CYYR1: variants seen among roughly 807,000 people sequenced by gnomAD.
CYYR1 encodes the protein cysteine and tyrosine rich 1.
A neutral mutation model predicts 15.2 loss-of-function variants in CYYR1; 14 were observed. That is an observed-to-expected ratio of 0.92 (90% CI 0.61 to 1.44). The LOEUF (loss-of-function observed/expected upper bound fraction) is 1.44, where lower values mean the gene tolerates loss of function less well. Ranked by LOEUF, CYYR1 falls within the 40% of genes most tolerant of loss-of-function variation. The pLI is 0.00. For synonymous variants in CYYR1, 80 were observed against 77.4 expected, an observed-to-expected ratio of 1.03 and a Z score of -0.18; for missense variants, 228 against 209.5, an observed-to-expected ratio of 1.09 and a Z score of -0.54.
rs182829858 is a variant in CYYR1 at position 26,468,065 on chromosome 21, G to T, written c.*436C>A. ...AAAATACATTTATTGATGAATGAAA[G>T]AATGAACAATTCTAGTTCTGACTTT... On this transcript the variant is annotated 3_prime_UTR_variant, in exon 4 of 4. Transcript: ENST00000652641. 18 of 226,414 alleles carry T rather than the reference G, an allele frequency of 8.0e-5. No individual in the cohort carries two copies. The highest frequency in any genetic ancestry group is 6.7e-4 in the Admixed American group (13 of 19,296). 14.0% of individuals were successfully genotyped at this position (226,414 alleles called of 1,614,324 possible). A position where few individuals can be genotyped will look rare whatever the true frequency, so the allele number is the denominator to read the frequency against.
intron 2 of CYYR1, among the ~76,000 whole-genome samples, chr21:26,561,202 T>C (rs1166855576): frequency 6.6e-6 from 1 of 152,170 alleles, no homozygotes; most frequent in African/African-American, 2.4e-5. Flanking sequence ...TCTGTGTCAT[T>C]ATTAAAACAA....
chr21:26,566,593 C>T (rs757541351), intron 1 of CYYR1, among the ~76,000 whole-genome samples: 1 of 152,032 alleles, frequency 6.6e-6, no homozygotes, highest in African/African-American at 2.4e-5. Flanking sequence ...ATCTTCTACA[C>T]CAAGCACCAT....
chr21:26,552,975 A>G (rs1979502894), intron 2 of CYYR1, among the ~76,000 whole-genome samples: 1 of 152,006 alleles, frequency 6.6e-6, no homozygotes. Context: ...TTTTTCCTTT[A>G]TGATATTCCA....
At chr21:26,530,604 C>T (rs1025208750) in intron 2 of CYYR1, among the ~76,000 whole-genome samples, 1 of 151,760 alleles carries the variant, frequency 6.6e-6, no homozygotes, top group Non-Finnish European at 1.5e-5. Flanking sequence ...TAATGTTATC[C>T]CTCCCCTATC....
intron 2 of CYYR1, among the ~76,000 whole-genome samples, chr21:26,564,487 T>C (rs1483885812): frequency 6.6e-6 from 1 of 152,212 alleles, no homozygotes; most frequent in Non-Finnish European, 1.5e-5. Context: ...CCTAGATACA[T>C]GTATCAGCTC....
At chr21:26,476,536 T>A (rs2065105346) in intron 3 of CYYR1, among the ~76,000 whole-genome samples, 1 of 152,006 alleles carries the variant, frequency 6.6e-6, no homozygotes, top group Non-Finnish European at 1.5e-5. Flanking sequence ...CATTCTTCTG[T>A]TAGGAAGAGC....
intron 2 of CYYR1, among the ~76,000 whole-genome samples, chr21:26,492,946 G>A (rs1019990412): frequency 6.6e-5 from 10 of 152,088 alleles, no homozygotes; most frequent in South Asian, 2.1e-4. Context: ...GTGTGTGTGA[G>A]TAGAGATTGG....
intron 3 of CYYR1, among the ~76,000 whole-genome samples, chr21:26,475,819 C>T (rs993492800): frequency 4.6e-5 from 7 of 152,134 alleles, no homozygotes; most frequent in South Asian, 2.1e-4. Flanking sequence ...TCTGCCTGGG[C>T]GAAGACTTGA....
chr21:26,555,913 C>T (rs1456837600), intron 2 of CYYR1, among the ~76,000 whole-genome samples: 4 of 152,142 alleles, frequency 2.6e-5, no homozygotes, highest in Non-Finnish European at 5.9e-5. Context: ...CTCCAAAAAT[C>T]ATGAAGGTGA....
intron 3 of CYYR1, among the ~76,000 whole-genome samples, chr21:26,475,793 A>G (rs1313783725): frequency 6.6e-6 from 1 of 152,156 alleles, no homozygotes; most frequent in Non-Finnish European, 1.5e-5. Flanking sequence ...GAATTCTCTG[A>G]TTTGTACTAA....
At chr21:26,533,611 G>A (rs1270866546) in intron 2 of CYYR1, among the ~76,000 whole-genome samples, 1 of 152,076 alleles carries the variant, frequency 6.6e-6, no homozygotes, top group African/African-American at 2.4e-5. Flanking sequence ...GAATTCAAAT[G>A]CTAATCTCTT....
At chr21:26,484,925 G>C (rs536041648) in intron 2 of CYYR1, among the ~76,000 whole-genome samples, 2 of 152,120 alleles carry the variant, frequency 1.3e-5, no homozygotes, top group South Asian at 4.1e-4. Context: ...TTGATCCTTT[G>C]ATACCCATTA....
chr21:26,484,084 A>C (rs1179585983), intron 2 of CYYR1, among the ~76,000 whole-genome samples: 2 of 152,130 alleles, frequency 1.3e-5, no homozygotes, highest in African/African-American at 4.8e-5. Context: ...TTGTAAAGAA[A>C]ATACATACAC....
At position 26,555,205 on chromosome 21, in the gene CYYR1, G is replaced by T. The variant is rs186017423; in HGVS notation, c.176+11061C>A. Among the ~76,000 whole-genome samples, 6 of 152,252 alleles carry T rather than the reference G, an allele frequency of 3.9e-5. No homozygotes were observed. In the East Asian group the frequency reaches 1.2e-3, roughly 29 times the overall value. ...ATTCTACTTGGCAAAAGCCAAGAGG[G>T]TCTATTTACTTAATATAAGAATGAA... is the stretch of plus-strand genomic sequence containing the variant. On this transcript the variant is annotated intron_variant, in intron 2 of 3. Coordinates refer to ENST00000652641, the MANE Select transcript of CYYR1 (RefSeq NM_001320768.2).
intron 3 of CYYR1, chr21:26,470,587 C>T (rs1044047762): frequency 1.3e-5 from 2 of 152,392 alleles, no homozygotes; most frequent in Admixed American, 1.3e-4. Flanking sequence ...TCCCCTTCCG[C>T]CATGATTGTA....
At position 26,566,449 on chromosome 21, in the gene CYYR1, A is replaced by G; in HGVS notation, c.74-81T>C. The G allele has an allele frequency of 4.6e-6, 5 of 1,085,994 alleles. No homozygotes were observed. The South Asian group carries it at 6.7e-5, about 15-fold the overall frequency. The allele number at this position is 1,085,994 out of a possible 1,614,324, so 67.3% of individuals were successfully genotyped here. On this transcript the variant is annotated intron_variant, in intron 1 of 3. Coordinates refer to ENST00000652641, the MANE Select transcript of CYYR1 (RefSeq NM_001320768.2). The stretch of plus-strand genomic sequence containing the variant: ...AAAAATTATTCTATTTCACAACTTA[A>G]TCAGCCAATGACCACCCTTTAGTGG...
intron 2 of CYYR1, among the ~76,000 whole-genome samples, chr21:26,562,725 TAAAC>T (rs1441696540): frequency 8.0e-4 from 87 of 109,392 alleles, no homozygotes; most frequent in African/African-American, 3.8e-3. Context: ...CATCTCCTCC[TAAAC>T]ACACACACAC....
chr21:26,481,831 T>A (rs2065185655), intron 2 of CYYR1, among the ~76,000 whole-genome samples: 1 of 152,014 alleles, frequency 6.6e-6, no homozygotes, highest in South Asian at 2.1e-4. Context: ...TAGTAATTAG[T>A]ATTGAATGGA....
chr21:26,515,289 A>G (rs914161435), intron 2 of CYYR1, among the ~76,000 whole-genome samples: 5 of 152,142 alleles, frequency 3.3e-5, no homozygotes, highest in Admixed American at 2.6e-4. Flanking sequence ...CAACTCCTGT[A>G]CACCTTGTCT....
Sources: gnomAD v4.1 joint callset for allele counts (sites outside exome capture counted in the v4.1 genomes callset) on GRCh38, gnomAD v4.1.1 for gene constraint, MANE v1.5 for transcripts, NCBI Gene and HGNC (gene_info 2026-07-23, HGNC 2026-07-21) for gene names.